LRP1B: variants seen among roughly 807,000 people sequenced by gnomAD.
LRP1B encodes the protein LDL receptor related protein 1B, also known as low-density lipoprotein receptor-related protein 1B.
A neutral mutation model predicts 556.6 loss-of-function variants in LRP1B; 217 were observed. That is an observed-to-expected ratio of 0.39 (90% CI 0.35 to 0.44). The LOEUF (loss-of-function observed/expected upper bound fraction) is 0.44. Among genes scored for constraint, LRP1B ranks in the 20% least tolerant of loss-of-function variants. LRP1B has a pLI of 1.00. For synonymous variants in LRP1B, 2,047 were observed against 1,865.8 expected, an observed-to-expected ratio of 1.10 and a Z score of -2.50; for missense variants, 5,053 against 5,620.8, an observed-to-expected ratio of 0.90 and a Z score of 3.23.
At chr2:140,811,947 G>A (rs1234719140) in intron 32 of LRP1B, among the ~76,000 whole-genome samples, 1 of 151,862 alleles carries the variant, frequency 6.6e-6, no homozygotes, top group East Asian at 1.9e-4. Context: ...GAAAATTGGA[G>A]ACTTAAATAC....
chr2:140,892,716 G>A (rs975629690), intron 23 of LRP1B, among the ~76,000 whole-genome samples: 2 of 152,074 alleles, frequency 1.3e-5, no homozygotes, highest in Admixed American at 6.6e-5. Context: ...GTAAATGTAT[G>A]TCTATGGAAT....
At chr2:141,886,144 TC>T (rs1235610972) in intron 1 of LRP1B, among the ~76,000 whole-genome samples, 2 of 152,188 alleles carry the variant, frequency 1.3e-5, no homozygotes, top group Non-Finnish European at 2.9e-5. Context: ...AGGCTGGTAA[TC>T]ACTATTACCT....
At chr2:141,527,218 G>T (rs183674977) in intron 2 of LRP1B, among the ~76,000 whole-genome samples, 1 of 151,950 alleles carries the variant, frequency 6.6e-6, no homozygotes, top group African/African-American at 2.4e-5. Flanking sequence ...CTATGACACC[G>T]ATGAAGATAG....
At chr2:140,573,308 TA>T (rs1425156043) in intron 43 of LRP1B, among the ~76,000 whole-genome samples, 1 of 151,842 alleles carries the variant, frequency 6.6e-6, no homozygotes, top group Non-Finnish European at 1.5e-5. Flanking sequence ...AGTAGTAAAT[TA>T]AGAAAATTTA....
chr2:141,832,060 C>T (rs1697128918), intron 1 of LRP1B, among the ~76,000 whole-genome samples: 2 of 151,658 alleles, frequency 1.3e-5, no homozygotes, highest in East Asian at 3.9e-4. Flanking sequence ...ATATTCTTTT[C>T]TCATTCTCAT....
At chr2:141,254,388 C>T (rs1387791914) in intron 4 of LRP1B, 134 bp downstream of exon 4, 13 of 875,736 alleles carry the variant, frequency 1.5e-5, no homozygotes, top group Non-Finnish European at 1.5e-5. Context: ...GGGGGGGCAA[C>T]TTTTAAATCT....
chr2:140,832,665 C>A (rs924104172), intron 31 of LRP1B, among the ~76,000 whole-genome samples: 3 of 152,054 alleles, frequency 2.0e-5, no homozygotes, highest in Non-Finnish European at 4.4e-5. Context: ...CACATGTTCT[C>A]CCACATATAT....
At chr2:141,086,573 C>CAGAA (rs1700050832) in intron 7 of LRP1B, among the ~76,000 whole-genome samples, 1 of 151,184 alleles carries the variant, frequency 6.6e-6, no homozygotes, top group African/African-American at 2.4e-5. Flanking sequence ...AAACATTTAA[C>CAGAA]TGAATTGAAC....
At chr2:140,290,510 A>C (rs1201601595) in intron 84 of LRP1B, among the ~76,000 whole-genome samples, 1 of 152,104 alleles carries the variant, frequency 6.6e-6, no homozygotes, top group Non-Finnish European at 1.5e-5. Flanking sequence ...AAAGAATCTT[A>C]AATATTCAAA....
rs545799571 is a variant in LRP1B, at chr2:141,029,034, C to A, written c.1790-8932G>T. On this transcript the variant is annotated intron_variant, in intron 11 of 90. Transcript: ENST00000389484. Reference sequence around the variant, plus strand: ...GGAGGTGGTCTGCAGGCAAAGACGTCTAGGACTTACAGAAGAGAGGCATGG... The same window carrying A: ...GGAGGTGGTCTGCAGGCAAAGACGTATAGGACTTACAGAAGAGAGGCATGG... 1.6e-3 allele frequency among the ~76,000 whole-genome samples: 236 copies of A among 152,120 alleles called. 1 individual carries two copies. The highest frequency in any genetic ancestry group is 5.4e-3 in the African/African-American group (224 of 41,526).
At chr2:141,403,047 T>G (rs1690503339) in intron 3 of LRP1B, among the ~76,000 whole-genome samples, 1 of 152,092 alleles carries the variant, frequency 6.6e-6, no homozygotes, top group African/African-American at 2.4e-5. Flanking sequence ...CTTTATTTCC[T>G]GAAATTTTAG....
At chr2:140,986,081 A>T (rs1696915403) in intron 17 of LRP1B, among the ~76,000 whole-genome samples, 1 of 149,684 alleles carries the variant, frequency 6.7e-6, no homozygotes. Context: ...ACTTCATATA[A>T]ATAGTACTGT....
intron 3 of LRP1B, among the ~76,000 whole-genome samples, chr2:141,331,971 A>T (rs1350354809): frequency 1.3e-5 from 2 of 152,124 alleles, no homozygotes; most frequent in Non-Finnish European, 2.9e-5. Flanking sequence ...ATATTTTAAA[A>T]ATTATCTTAG....
At chr2:141,324,914 A>T (rs973685129) in intron 3 of LRP1B, among the ~76,000 whole-genome samples, 2 of 152,114 alleles carry the variant, frequency 1.3e-5, no homozygotes, top group Non-Finnish European at 2.9e-5. Context: ...AATTTTTCAT[A>T]TATACGGTTC....
intron 63 of LRP1B, among the ~76,000 whole-genome samples, chr2:140,449,799 C>T (rs1055652168): frequency 2.0e-5 from 3 of 152,160 alleles, no homozygotes; most frequent in Admixed American, 6.6e-5. Context: ...GGATTTTGAA[C>T]TCAATTGTCA....
chr2:141,135,074 T>C (rs920662372), intron 7 of LRP1B, among the ~76,000 whole-genome samples: 1 of 151,722 alleles, frequency 6.6e-6, no homozygotes, highest in South Asian at 2.1e-4. Context: ...ACTCTTCTAA[T>C]ATAGGAAAGT....
chr2:141,519,360 G>GATAT (rs60473210), intron 2 of LRP1B, among the ~76,000 whole-genome samples: 1,705 of 67,386 alleles, frequency 0.025, 17 homozygotes, highest in East Asian at 0.072. Flanking sequence ...TTAAGTCAAT[G>GATAT]ATATATATAT....
At chr2:141,364,988 A>G (rs1688964514) in intron 3 of LRP1B, among the ~76,000 whole-genome samples, 1 of 151,974 alleles carries the variant, frequency 6.6e-6, no homozygotes, top group Admixed American at 6.6e-5. Context: ...CTCAGCTTAG[A>G]AAGCTGTTTC....
At chr2:141,174,298 G>C (rs543421881) in intron 7 of LRP1B, among the ~76,000 whole-genome samples, 3 of 152,180 alleles carry the variant, frequency 2.0e-5, no homozygotes, top group Middle Eastern at 3.4e-3. Flanking sequence ...TTGCCCCAAG[G>C]TAGAGTTGCC....
Sources: allele counts gnomAD v4.1 joint callset (sites outside exome capture counted in the v4.1 genomes callset), GRCh38; gene constraint gnomAD v4.1.1; transcripts MANE v1.5; gene names NCBI Gene and HGNC (gene_info 2026-07-23, HGNC 2026-07-21).